Variants in BRINP1 observed in about 807,000 individuals in gnomAD.
The protein encoded by BRINP1 is BMP/retinoic acid-inducible neural-specific protein 1.
A neutral mutation model predicts 72.9 loss-of-function variants in BRINP1; 17 were observed. That is an observed-to-expected ratio of 0.23 (90% CI 0.16 to 0.35). The LOEUF (loss-of-function observed/expected upper bound fraction) is 0.35, where lower values mean the gene tolerates loss of function less well. BRINP1 is among the 10% of genes least tolerant of loss of function. BRINP1 has a pLI of 1.00. For synonymous variants in BRINP1, 418 were observed against 378.5 expected, an observed-to-expected ratio of 1.10 and a Z score of -1.21; for missense variants, 850 against 1,001.6, an observed-to-expected ratio of 0.85 and a Z score of 2.04.
intron 7 of BRINP1, among the ~76,000 whole-genome samples, chr9:119,189,274 C>T (rs184799146): frequency 2.6e-5 from 4 of 152,146 alleles, no homozygotes; most frequent in Admixed American, 2.6e-4. Context: ...AAAAAAGGAT[C>T]TATTAAACCA....
intron 3 of BRINP1, among the ~76,000 whole-genome samples, chr9:119,246,250 A>C (rs1830314935): frequency 6.6e-6 from 1 of 152,180 alleles, no homozygotes; most frequent in South Asian, 2.1e-4. Context: ...TGTGTCTGTG[A>C]GGGTGTTGCC....
chr9:119,230,126 A>C (rs1016854313), intron 5 of BRINP1, among the ~76,000 whole-genome samples: 17 of 152,060 alleles, frequency 1.1e-4, no homozygotes, highest in African/African-American at 4.1e-4. Flanking sequence ...AGTGCAGGGC[A>C]ATAAAAAAAT....
Position 119,199,749 on chromosome 9 carries a change from G to A in BRINP1, c.1145+8970C>T, listed in dbSNP as rs183865343. ...ACCTTAAACACCTACTTGATGCTAG[G>A]AATTTTATCTCATTTCATTGAATTG... On this transcript the variant is annotated intron_variant, in intron 7 of 7. Transcript: ENST00000265922. Among the ~76,000 whole-genome samples, 61 of 151,384 alleles carry A rather than the reference G, an allele frequency of 4.0e-4. No individual in the cohort carries two copies. The East Asian group carries it at 0.01, about 26-fold the overall frequency.
At chr9:119,198,606 T>TTGTCATCAATTATTTA (rs1829770387) in intron 7 of BRINP1, among the ~76,000 whole-genome samples, 1 of 152,176 alleles carries the variant, frequency 6.6e-6, no homozygotes, top group Non-Finnish European at 1.5e-5. Context: ...ATAGAAAGTG[T>TTGTCATCAATTATTTA]TGTCATCAAT....
chr9:119,313,502 G>GA (rs1831091015), intron 1 of BRINP1, 97 bp from the exon 2 acceptor site: 4 of 1,113,822 alleles, frequency 3.6e-6, no homozygotes, highest in Admixed American at 2.9e-5. Flanking sequence ...CACAGGAAAA[G>GA]AAAAAATGTG....
At chr9:119,330,147 T>C (rs927141196) in intron 1 of BRINP1, among the ~76,000 whole-genome samples, 5 of 152,184 alleles carry the variant, frequency 3.3e-5, no homozygotes, top group Admixed American at 1.3e-4. Flanking sequence ...TGTCTCAGAA[T>C]TCGAAAAGAC....
At chr9:119,277,881 C>A (rs1401363465) in intron 2 of BRINP1, among the ~76,000 whole-genome samples, 4 of 152,076 alleles carry the variant, frequency 2.6e-5, no homozygotes, top group Non-Finnish European at 5.9e-5. Context: ...CCTCAAACCC[C>A]TTGCTTGATA....
intron 1 of BRINP1, among the ~76,000 whole-genome samples, chr9:119,331,142 G>A (rs1335684535): frequency 6.6e-6 from 1 of 152,190 alleles, no homozygotes; most frequent in African/African-American, 2.4e-5. Flanking sequence ...ATCAGTCCAT[G>A]ATTCGACTTA....
intron 1 of BRINP1, among the ~76,000 whole-genome samples, chr9:119,339,939 C>A (rs1831390437): frequency 6.6e-6 from 1 of 152,152 alleles, no homozygotes; most frequent in Non-Finnish European, 1.5e-5. Flanking sequence ...CACTCACCCA[C>A]ATGGACAGGG....
At chr9:119,303,525 G>A (rs887958388) in intron 2 of BRINP1, among the ~76,000 whole-genome samples, 1 of 152,156 alleles carries the variant, frequency 6.6e-6, no homozygotes, top group Non-Finnish European at 1.5e-5. Flanking sequence ...CGTGGGACGT[G>A]CAAGTGCACT....
At chr9:119,228,560 G>C (rs1358266129) in intron 5 of BRINP1, among the ~76,000 whole-genome samples, 5 of 152,070 alleles carry the variant, frequency 3.3e-5, no homozygotes, top group African/African-American at 1.2e-4. Flanking sequence ...TTTTAATCCA[G>C]TCCTGTGTAT....
rs141672152 is a variant in BRINP1, at chr9:119,289,017, C to T, written c.218+24121G>A. Among the ~76,000 whole-genome samples, 1,233 of 152,304 alleles carry T rather than the reference C, an allele frequency of 8.1e-3. 15 individuals are homozygous for T. The highest frequency in any genetic ancestry group is 0.029 in the African/African-American group (1,191 of 41,574). On this transcript the variant is annotated intron_variant, in intron 2 of 7. Coordinates refer to ENST00000265922, the MANE Select transcript of BRINP1 (RefSeq NM_014618.3). Reference sequence around the variant, plus strand: ...GTTTCACCATGTTGGTCAGGCTGATCTCGAACTCCTGACCTCAAGTGATCC... The same window carrying T: ...GTTTCACCATGTTGGTCAGGCTGATTTCGAACTCCTGACCTCAAGTGATCC...
At chr9:119,295,231 CG>C (rs1310693232) in intron 2 of BRINP1, among the ~76,000 whole-genome samples, 1 of 151,444 alleles carries the variant, frequency 6.6e-6, no homozygotes, top group Non-Finnish European at 1.5e-5. Flanking sequence ...TTGGTAGAGG[CG>C]GGGTTTCATT....
chr9:119,366,704 A>T (rs1831696202), intron 1 of BRINP1, among the ~76,000 whole-genome samples: 1 of 151,888 alleles, frequency 6.6e-6, no homozygotes, highest in Non-Finnish European at 1.5e-5. Context: ...TCATGGTGGC[A>T]GGTTGGCAAG....
chr9:119,333,497 T>G (rs1831320701), intron 1 of BRINP1, among the ~76,000 whole-genome samples: 1 of 151,040 alleles, frequency 6.6e-6, no homozygotes, highest in African/African-American at 2.4e-5. Context: ...TCTTAAAATA[T>G]TTCTAATCTT....
intron 7 of BRINP1, among the ~76,000 whole-genome samples, chr9:119,198,899 C>T (rs1007142312): frequency 2.0e-5 from 3 of 152,138 alleles, no homozygotes; most frequent in African/African-American, 4.8e-5. Context: ...TCTTGAACTC[C>T]TGGCCTCAAG....
intron 2 of BRINP1, among the ~76,000 whole-genome samples, chr9:119,311,167 G>GTA (rs1831062597): frequency 6.6e-6 from 1 of 152,012 alleles, no homozygotes; most frequent in South Asian, 2.1e-4. Flanking sequence ...ACTCTTCATT[G>GTA]TATCATCTGC....
intron 1 of BRINP1, among the ~76,000 whole-genome samples, chr9:119,353,631 C>A (rs985234374): frequency 3.3e-5 from 5 of 152,096 alleles, no homozygotes; most frequent in Admixed American, 3.3e-4. Flanking sequence ...TTTTCTGTCC[C>A]TGAATTTAAC....
chr9:119,195,378 A>G (rs1829726464), intron 7 of BRINP1, among the ~76,000 whole-genome samples: 1 of 152,246 alleles, frequency 6.6e-6, no homozygotes. Context: ...CAACAGGATA[A>G]TGAGTATTAC....
Sources: gnomAD v4.1 joint callset for allele counts (sites outside exome capture counted in the v4.1 genomes callset) on GRCh38, gnomAD v4.1.1 for gene constraint, MANE v1.5 for transcripts, NCBI Gene and HGNC (gene_info 2026-07-23, HGNC 2026-07-21) for gene names.